The following EML6 variants were observed in gnomAD, a reference collection of about 807,000 sequenced individuals.
The protein encoded by EML6 is EMAP like 6.
A neutral mutation model predicts 240.1 loss-of-function variants in EML6; 154 were observed. That is an observed-to-expected ratio of 0.64 (90% CI 0.56 to 0.73). The LOEUF (loss-of-function observed/expected upper bound fraction) is 0.73. Among genes scored for constraint, EML6 ranks in the 30% least tolerant of loss-of-function variants. The probability of loss-of-function intolerance (pLI) is 0.00; values close to 1 mark genes in which losing one functional copy is unlikely to be tolerated. For missense variants in EML6, 2,964 were observed against 2,474.6 expected (o/e 1.20, Z -4.20); for synonymous variants, 1,148 against 899.0 (o/e 1.28, Z -4.95).
chr2:54,797,164 C>CAAAA lies in EML6; in HGVS notation c.198-16046_198-16043dup, dbSNP rs773498648. Among the ~76,000 whole-genome samples, 151 of 43,828 alleles carry CAAAA rather than the reference C, an allele frequency of 3.4e-3. 13 individuals carry two copies. Among genetic ancestry groups the CAAAA allele is most frequent in the African/African-American group, 0.012 (123 of 10,300 alleles). The allele number at this position is 43,828 out of a possible 152,430, so 28.8% of individuals were successfully genotyped here. A position where few individuals can be genotyped will look rare whatever the true frequency, so the allele number is the denominator to read the frequency against. On this transcript the variant is annotated intron_variant, in intron 2 of 41. Coordinates refer to ENST00000356458, the MANE Select transcript of EML6 (RefSeq NM_001039753.4). ...TGGGTGACAGAGCAAGACTCCATCT[C>CAAAA]AAAAAAAAAAAAAAAAAAAAAAAAA... is the stretch of plus-strand genomic sequence containing the variant.
intron 2 of EML6, among the ~76,000 whole-genome samples, chr2:54,803,525 C>G (rs1043883320): frequency 1.3e-5 from 2 of 152,102 alleles, no homozygotes; most frequent in Non-Finnish European, 2.9e-5. Context: ...AAGCCTTTGC[C>G]TTAGGTACCA....
At chr2:54,843,625 A>G (rs1296417436) in intron 7 of EML6, among the ~76,000 whole-genome samples, 2 of 152,034 alleles carry the variant, frequency 1.3e-5, no homozygotes, top group Non-Finnish European at 2.9e-5. Flanking sequence ...CGGGCGGATC[A>G]CGAGGTCAGG....
intron 2 of EML6, among the ~76,000 whole-genome samples, chr2:54,793,373 T>C (rs990251307): frequency 2.1e-5 from 3 of 144,542 alleles, no homozygotes; most frequent in East Asian, 2.0e-4. Flanking sequence ...AAGGTAAATA[T>C]GTATGAGTAG....
intron 2 of EML6, among the ~76,000 whole-genome samples, chr2:54,785,799 C>T (rs920962414): frequency 2.6e-5 from 4 of 151,952 alleles, no homozygotes; most frequent in Admixed American, 2.0e-4. Context: ...CTAGGCTACA[C>T]GGTTCATTTT....
At chr2:54,813,620 A>G (rs1013185025) in intron 3 of EML6, among the ~76,000 whole-genome samples, 1 of 152,194 alleles carries the variant, frequency 6.6e-6, no homozygotes, top group Non-Finnish European at 1.5e-5. Flanking sequence ...GTTAAAAAGC[A>G]TCCATAAAAG....
intron 41 of EML6, 22 bp from the exon 42 acceptor site, chr2:54,970,049 A>G: frequency 6.4e-7 from 1 of 1,551,602 alleles, no homozygotes; most frequent in South Asian, 1.2e-5. Context: ...ATGCAAAATG[A>G]CTGTTTGATC....
intron 4 of EML6, 35 bp from the exon 5 acceptor site, chr2:54,820,359 A>G (rs1309778579): frequency 2.1e-6 from 3 of 1,457,062 alleles, no homozygotes; most frequent in Non-Finnish European, 1.9e-6. Flanking sequence ...AATATACCAA[A>G]TGATCAACAT....
intron 2 of EML6, among the ~76,000 whole-genome samples, chr2:54,807,475 C>G (rs961345897): frequency 6.6e-6 from 1 of 152,112 alleles, no homozygotes; most frequent in African/African-American, 2.4e-5. Context: ...TAAGTCTAGA[C>G]AATCAACAAA....
At position 54,892,806 on chromosome 2, in the gene EML6, G is replaced by T. The variant is rs897446843; in HGVS notation, c.2742+150G>T. The stretch of plus-strand genomic sequence containing the variant: ...ATAAAGCTCAGTCAAGAGACAATAG[G>T]GAGGAAAGCAAAGATATTTTTATAA... On this transcript the variant is annotated intron_variant, in intron 19 of 41. Coordinates refer to ENST00000356458, the MANE Select transcript of EML6 (RefSeq NM_001039753.4). The T allele has an allele frequency of 6.6e-6, 4 of 606,454 alleles. No homozygotes were observed. In the East Asian group the frequency reaches 1.1e-4, roughly 17 times the overall value. The allele number at this position is 606,454 out of a possible 1,614,324, so 37.6% of individuals were successfully genotyped here. A position where few individuals can be genotyped will look rare whatever the true frequency, so the allele number is the denominator to read the frequency against.
At chr2:54,739,798 G>A (rs1296299719) in intron 2 of EML6, among the ~76,000 whole-genome samples, 1 of 152,202 alleles carries the variant, frequency 6.6e-6, no homozygotes, top group Non-Finnish European at 1.5e-5. Context: ...CTGTCACTCT[G>A]GCTACAGTGT....
At chr2:54,801,360 C>G (rs868513157) in intron 2 of EML6, among the ~76,000 whole-genome samples, 2 of 150,964 alleles carry the variant, frequency 1.3e-5, no homozygotes, top group South Asian at 4.2e-4. Context: ...TTGAAAATTT[C>G]TTCCTATGAC....
Position 54,869,299 on chromosome 2 carries a change from C to G in EML6, c.2170C>G (p.Leu724Val), listed in dbSNP as rs372144425. Residue 724 changes from leucine to valine, a missense_variant, in exon 15 of 42, where the codon CTG (leucine) becomes GTG (valine). Transcript: ENST00000356458. ...GCAGCAGCACTCCCAGAGGCTGTAC[C>G]TGGGGCACGATGACGACATTCTCAG... is the stretch of plus-strand genomic sequence containing the variant. Reference protein sequence around the residue: ...NRQQHSQRLYLGHDDDILSLT... With the variant: ...NRQQHSQRLYVGHDDDILSLT... 1.3e-6 allele frequency: 2 copies of G among 1,551,696 alleles called. No homozygotes were observed. Among genetic ancestry groups the G allele is most frequent in the South Asian group, 2.4e-5 (2 of 84,054 alleles).
intron 25 of EML6, among the ~76,000 whole-genome samples, chr2:54,911,618 G>T (rs1573126317): frequency 6.6e-6 from 1 of 151,896 alleles, no homozygotes; most frequent in South Asian, 2.1e-4. Context: ...TATTTTTTTA[G>T]TAGAGATGGG....
At chr2:54,871,361 TG>T in intron 15 of EML6, 138 bp from the exon 16 acceptor site, 1 of 656,010 alleles carries the variant, frequency 1.5e-6, no homozygotes, top group South Asian at 1.9e-5. Context: ...ATAACTGAAT[TG>T]TAGCAGATGA....
At chr2:54,792,578 C>G (rs187524574) in intron 2 of EML6, among the ~76,000 whole-genome samples, 1 of 152,160 alleles carries the variant, frequency 6.6e-6, no homozygotes, top group Non-Finnish European at 1.5e-5. Flanking sequence ...AGAACTGTTG[C>G]GTATCTGCAT....
At chr2:54,846,923 A>ATTTTTTTTTTTTTTT (rs34352060) in intron 8 of EML6, among the ~76,000 whole-genome samples, 3,860 of 128,580 alleles carry the variant, frequency 0.03, 202 homozygotes, top group Non-Finnish European at 0.038. Flanking sequence ...ATGAAGTAGT[A>ATTTTTTTTTTTTTTT]TTTTTTTTTT....
Position 54,961,184 on chromosome 2 carries a change from G to GTTTTTTTTTTTTTTTTTTTTTTTTTTTTT in EML6, c.4968+869_4968+870insTTTTTTTTTTTTTTTTTTTTTTTTTTTTT, listed in dbSNP as rs575621987. Reference sequence around the variant, plus strand: ...GGAGCCTGGAAGTTATCAGGAAGTAGTTTTTTTTTTTTTTTTTTTGAGACG... The same window carrying GTTTTTTTTTTTTTTTTTTTTTTTTTTTTT: ...GGAGCCTGGAAGTTATCAGGAAGTAGTTTTTTTTTTTTTTTTTTTTTTTTTTTTTTTTTTTTTTTTTTTTTTTTGAGACG... On this transcript the variant is annotated intron_variant, in intron 35 of 41. Transcript: ENST00000356458. Among the ~76,000 whole-genome samples the GTTTTTTTTTTTTTTTTTTTTTTTTTTTTT allele has an allele frequency of 8.5e-4, 47 of 55,408 alleles. 1 individual carries two copies. Among genetic ancestry groups the GTTTTTTTTTTTTTTTTTTTTTTTTTTTTT allele is most frequent in the East Asian group, 1.9e-3 (3 of 1,572 alleles). The allele number at this position is 55,408 out of a possible 152,430, so 36.3% of individuals were successfully genotyped here.
intron 28 of EML6, among the ~76,000 whole-genome samples, chr2:54,935,057 G>T (rs1675067358): frequency 6.6e-6 from 1 of 152,070 alleles, no homozygotes; most frequent in African/African-American, 2.4e-5. Flanking sequence ...TCTCTGGAAG[G>T]AATATTATAA....
chr2:54,784,322 GCCTATCA>G (rs1248409852), intron 2 of EML6, among the ~76,000 whole-genome samples: 2 of 152,132 alleles, frequency 1.3e-5, no homozygotes, highest in African/African-American at 2.4e-5. Flanking sequence ...ACTATATTGT[GCCTATCA>G]CTTTTTTGCT....
Sources: gnomAD v4.1 joint callset for allele counts (sites outside exome capture counted in the v4.1 genomes callset) on GRCh38, gnomAD v4.1.1 for gene constraint, MANE v1.5 for transcripts, NCBI Gene and HGNC (gene_info 2026-07-23, HGNC 2026-07-21) for gene names.